The following ITGAL variants were observed in gnomAD, a reference collection of about 807,000 sequenced individuals.
The protein encoded by ITGAL is integrin alpha-L.
In ITGAL, 68 loss-of-function variants were observed where a neutral mutation model predicts 138.4. That is an observed-to-expected ratio of 0.49 (90% confidence interval 0.40 to 0.60). ITGAL has a LOEUF of 0.60. Ranked by LOEUF, ITGAL falls within the 20% of genes least tolerant of loss-of-function variation. The probability of loss-of-function intolerance (pLI) is 0.00; values close to 1 mark genes in which losing one functional copy is unlikely to be tolerated. For synonymous variants in ITGAL, 561 were observed against 584.3 expected (o/e 0.96, Z 0.57); for missense variants, 1,256 against 1,478.6 (o/e 0.85, Z 2.47).
intron 4 of ITGAL, among the ~76,000 whole-genome samples, 154 bp downstream of exon 4, chr16:30,475,734 CTT>C (rs35994365): frequency 1.7e-4 from 14 of 81,296 alleles, no homozygotes; most frequent in Middle Eastern, 7.1e-3. Flanking sequence ...ATGAACCAGC[CTT>C]TTTTTTTTTT....
At chr16:30,475,675 C>T in intron 4 of ITGAL, 95 bp downstream of exon 4, 7 of 902,208 alleles carry the variant, frequency 7.8e-6, no homozygotes, top group Non-Finnish European at 1.3e-5. Flanking sequence ...AAAGTTCCCA[C>T]AGATGGTCAA....
At position 30,519,380 on chromosome 16, in the gene ITGAL, C is replaced by G. The variant is rs114007526; in HGVS notation, c.3229-477C>G. 4.5e-3 allele frequency among the ~76,000 whole-genome samples: 678 copies of G among 150,338 alleles called. 3 individuals carry two copies. Among genetic ancestry groups the G allele is most frequent in the African/African-American group, 0.016 (655 of 40,956 alleles). On this transcript the variant is annotated intron_variant, in intron 29 of 30. Coordinates refer to ENST00000356798, the MANE Select transcript of ITGAL (RefSeq NM_002209.3). ...CCTGGGCAACACAGTGAGACCTTAT[C>G]TCAAAAAAAAAAAAAATCAATCTGA... is the stretch of plus-strand genomic sequence containing the variant.
chr16:30,506,558 C>CAAAAAAAA lies in ITGAL; in HGVS notation c.2367-128_2367-121dup, dbSNP rs57722064. Among the ~76,000 whole-genome samples the CAAAAAAAA allele has an allele frequency of 1.5e-4, 7 of 47,936 alleles. 1 individual carries two copies. Among genetic ancestry groups the CAAAAAAAA allele is most frequent in the East Asian group, 4.7e-3 (2 of 430 alleles). 31.4% of individuals were successfully genotyped at this position (47,936 alleles called of 152,430 possible). On this transcript the variant is annotated intron_variant, in intron 20 of 30. Coordinates refer to ENST00000356798, the MANE Select transcript of ITGAL (RefSeq NM_002209.3). Reference sequence around the variant, plus strand: ...TGGGTGACAGAGTGAGACTCCATCTCAAAAAAAAAAAAAAAAAAAAAAAAA... The same window carrying CAAAAAAAA: ...TGGGTGACAGAGTGAGACTCCATCTCAAAAAAAAAAAAAAAAAAAAAAAAAAAAAAAAA...
chr16:30,518,488 A>G, intron 28 of ITGAL, 136 bp from the exon 29 acceptor site: 2 of 623,694 alleles, frequency 3.2e-6, no homozygotes, highest in South Asian at 3.8e-5. Context: ...ATGCCACAAT[A>G]GAGAGTTGTG....
intron 21 of ITGAL, among the ~76,000 whole-genome samples, chr16:30,507,152 G>A (rs2051013483): frequency 1.3e-5 from 2 of 152,082 alleles, no homozygotes; most frequent in South Asian, 2.1e-4. Context: ...GTGAAACCCT[G>A]TCTCTACTAA....
intron 28 of ITGAL, 105 bp from the exon 29 acceptor site, chr16:30,518,518 CT>C (rs1262567337): frequency 4.0e-6 from 3 of 748,640 alleles, no homozygotes; most frequent in Non-Finnish European, 7.3e-6. Flanking sequence ...GTGCACCCCC[CT>C]GGAACCCCTT....
chr16:30,502,396 C>CAAAAAAAAAAAAAAAAAAAAAA (rs57501055), intron 17 of ITGAL, among the ~76,000 whole-genome samples: 1 of 80,096 alleles, frequency 1.2e-5, no homozygotes, highest in African/African-American at 3.6e-5. Context: ...GACTCCATCT[C>CAAAAAAAAAAAAAAAAAAAAAA]AAAAAAAAAA....
At position 30,506,712 on chromosome 16, in the gene ITGAL, C is replaced by A; in HGVS notation, c.2367-3C>A. On this transcript the variant is annotated splice_region_variant and splice_polypyrimidine_tract_variant and intron_variant, in intron 20 of 30. Transcript: ENST00000356798. ...TCCATCTTTCCCTGATCATCCCCCA[C>A]AGATCCAGAGCCCTGCGTCTAACTG... is the stretch of plus-strand genomic sequence containing the variant. 1.2e-6 allele frequency: 2 copies of A among 1,612,186 alleles called. No individual in the cohort carries two copies. The highest frequency in any genetic ancestry group is 1.7e-6 in the Non-Finnish European group (2 of 1,178,850).
chr16:30,481,543 G>A lies in ITGAL; in HGVS notation c.681G>A (p.Met227Ile), dbSNP rs759257207. ...CTCTGCTGAAGCATGTAAAGCACAT[G>A]TTGCTGTTGACCAATACCTTTGGTG... ...PDALLKHVKHMLLLTNTFGAI... is the reference protein window; with the variant it reads ...PDALLKHVKHILLLTNTFGAI... The change falls in exon 7 of 31, where the codon ATG becomes ATA. Residue 227 changes from methionine to isoleucine, a missense_variant. Physicochemically the swap from Met to Ile is conservative, Grantham distance 10. Around this residue, in one of 3 missense-constraint regions of ITGAL, gnomAD observed 177 missense variants for 288.8 expected, o/e 0.61. Coordinates refer to ENST00000356798, the MANE Select transcript of ITGAL (RefSeq NM_002209.3). 1 of 1,613,694 alleles carries A rather than the reference G, an allele frequency of 6.2e-7. No homozygotes were observed. Among genetic ancestry groups the A allele is most frequent in the East Asian group, 2.2e-5 (1 of 44,878 alleles).
Position 30,510,934 on chromosome 16 carries a change from G to T in ITGAL, c.2673G>T (p.Ser891=), listed in dbSNP as rs7201914. 5.6e-4 allele frequency: 909 copies of T among 1,613,846 alleles called. 2 individuals carry two copies. In the African/African-American group the frequency reaches 9.8e-3, roughly 17 times the overall value. The part of the protein sequence containing the change: ...NTLVNSSWGD[S]VELHANVTCN... ...TGGTAAACAGCTCCTGGGGGGACTC[G>T]GTTGAATTGCACGCCAATGTGACCT... Residue 891 remains serine, a synonymous_variant, in exon 23 of 31, where the codon TCG becomes TCT. Coordinates refer to ENST00000356798, the MANE Select transcript of ITGAL (RefSeq NM_002209.3).
intron 17 of ITGAL, 34 bp downstream of exon 17, chr16:30,499,523 C>T: frequency 1.2e-6 from 2 of 1,606,892 alleles, no homozygotes; most frequent in Non-Finnish European, 1.7e-6. Context: ...CTGGGATGAG[C>T]TACCTGCAGG....
rs2051259661 is a variant in ITGAL, at chr16:30,521,882, G to A, written c.*217G>A. ...GGGACCAGCCAAGAGGGCTGCAAAAGTGAGGGCTTGTCATTACCAGACGGT... is the reference window on the plus strand; with the variant it reads ...GGGACCAGCCAAGAGGGCTGCAAAAATGAGGGCTTGTCATTACCAGACGGT... On this transcript the variant is annotated 3_prime_UTR_variant, in exon 31 of 31. Coordinates refer to ENST00000356798, the MANE Select transcript of ITGAL (RefSeq NM_002209.3). 3 of 528,188 alleles carry A rather than the reference G, an allele frequency of 5.7e-6. No individual in the cohort carries two copies. Among genetic ancestry groups the A allele is most frequent in the Non-Finnish European group, 1.0e-5 (3 of 297,184 alleles). The allele number at this position is 528,188 out of a possible 1,614,324, so 32.7% of individuals were successfully genotyped here. A position where few individuals can be genotyped will look rare whatever the true frequency, so the allele number is the denominator to read the frequency against.
In ITGAL at chr16:30,517,697, G is replaced by A. The variant is rs1205861093; in HGVS notation, c.3025G>A (p.Ala1009Thr). Reference sequence around the variant, plus strand: ...TGAGGATCTGGAGAGGCTCCCGGATGCAGCTGAGGTATGGGCGTGTGAGCT... The same window carrying A: ...TGAGGATCTGGAGAGGCTCCCGGATACAGCTGAGGTATGGGCGTGTGAGCT... ...HYEDLERLPD[A>T]AEPCLPGALF... Residue 1009 changes from alanine (A) to threonine (T), a missense_variant, in exon 27 of 31, where the codon GCA becomes ACA. Ala to Thr is a moderately conservative substitution (Grantham distance 58). Transcript: ENST00000356798. The A allele has an allele frequency of 1.2e-6, 2 of 1,614,072 alleles. No homozygotes were observed. Among genetic ancestry groups the A allele is most frequent in the African/African-American group, 2.7e-5 (2 of 75,052 alleles).
chr16:30,519,902 C>G lies in ITGAL; in HGVS notation c.3274C>G (p.Leu1092Val). ...GGTGTATGAGAAGCAGATGCTCTAC[C>G]TCTACGTGCTGAGCGGCATCGGGGG... is the stretch of plus-strand genomic sequence containing the variant. ...DVVYEKQMLY[L>V]YVLSGIGGLL... The change falls in exon 30 of 31, where the codon CTC (leucine) becomes GTC (valine). Residue 1092 changes from leucine (L) to valine (V), a missense_variant. Transcript: ENST00000356798. The G allele has an allele frequency of 2.5e-6, 4 of 1,614,006 alleles. No individual in the cohort carries two copies. The highest frequency in any genetic ancestry group is 3.4e-6 in the Non-Finnish European group (4 of 1,179,958).
At chr16:30,512,967 C>T (rs2051111120) in intron 24 of ITGAL, among the ~76,000 whole-genome samples, 1 of 152,220 alleles carries the variant, frequency 6.6e-6, no homozygotes, top group Non-Finnish European at 1.5e-5. Flanking sequence ...TCCTGAAGTG[C>T]TGGGATTACA....
At position 30,519,874 on chromosome 16, in the gene ITGAL, C is replaced by CCAA. The variant is rs1351652620; in HGVS notation, c.3246_3247insCAA (p.Asp1082_Val1083insGln). On this transcript the variant is annotated inframe_insertion, in exon 30 of 31. Transcript: ENST00000356798. Reference sequence around the variant, plus strand: ...GCTCCCAGGTTGTCATGAAGGTTGACGTGGTGTATGAGAAGCAGATGCTCT... The same window carrying CCAA: ...GCTCCCAGGTTGTCATGAAGGTTGACCAAGTGGTGTATGAGAAGCAGATGCTCT... The CCAA allele has an allele frequency of 6.2e-7, 1 of 1,613,222 alleles. No individual in the cohort carries two copies. The highest frequency in any genetic ancestry group is 8.5e-7 in the Non-Finnish European group (1 of 1,179,362).
intron 21 of ITGAL, among the ~76,000 whole-genome samples, chr16:30,509,168 C>T (rs140028263): frequency 9.3e-4 from 137 of 147,086 alleles, no homozygotes; most frequent in African/African-American, 3.3e-3. Context: ...AACAGCAAGA[C>T]TCCATCTCAA....
Position 30,499,113 on chromosome 16 carries a change from C to T in ITGAL, c.1872C>T (p.Phe624=), listed in dbSNP as rs372763254. Reference sequence around the variant, plus strand: ...TGGATATGGTCACCCTGATGTCCTTCTCTCCAGCTGAGATCCCAGTGCATG... The same window carrying T: ...TGGATATGGTCACCCTGATGTCCTTTTCTCCAGCTGAGATCCCAGTGCATG... ...PVVDMVTLMS[F]SPAEIPVHEV... is the part of the protein sequence containing the mutation. The change falls in exon 16 of 31, where the codon TTC becomes TTT. Residue 624 remains phenylalanine, a synonymous_variant. Coordinates refer to ENST00000356798, the MANE Select transcript of ITGAL (RefSeq NM_002209.3). 1.2e-6 allele frequency: 2 copies of T among 1,614,008 alleles called. No individual in the cohort carries two copies. The highest frequency in any genetic ancestry group is 2.2e-5 in the East Asian group (1 of 44,894).
At chr16:30,514,540 G>A (rs1288435072) in intron 25 of ITGAL, among the ~76,000 whole-genome samples, 1 of 152,058 alleles carries the variant, frequency 6.6e-6, no homozygotes, top group African/African-American at 2.4e-5. Context: ...GCCTCTCAAA[G>A]TGCTGGGATT....
Sources: allele counts gnomAD v4.1 joint callset (sites outside exome capture counted in the v4.1 genomes callset), GRCh38; gene constraint gnomAD v4.1.1; regional missense constraint gnomAD v4.1.1; transcripts MANE v1.5; gene names NCBI Gene and HGNC (gene_info 2026-07-23, HGNC 2026-07-21).